The following ZIM2 variants were observed in gnomAD, a reference collection of about 807,000 sequenced individuals.
ZIM2 encodes zinc finger protein 656.
ZIM2 carries 14 observed loss-of-function variants against 38.6 expected under a neutral mutation model. The ratio of observed to expected loss-of-function variants is 0.36; its 90% confidence interval spans 0.24 to 0.57. ZIM2 has a LOEUF of 0.57. Among genes scored for constraint, ZIM2 ranks in the 20% least tolerant of loss-of-function variants. The pLI, the probability that ZIM2 is intolerant of heterozygous loss-of-function variation, is 0.81. For missense variants in ZIM2, 680 were observed against 695.1 expected (o/e 0.98, Z 0.24); for synonymous variants, 247 against 245.8 (o/e 1.00, Z -0.04).
At chr19:56,815,545 C>A in intron 9 of ZIM2, 1 of 1,613,942 alleles carries the variant, frequency 6.2e-7, no homozygotes, top group Non-Finnish European at 8.5e-7. Flanking sequence ...ATAGAGCATC[C>A]CTCGAGGGCG....
At chr19:56,832,598 A>G (rs2061680333) in intron 2 of ZIM2, among the ~76,000 whole-genome samples, 2 of 152,202 alleles carry the variant, frequency 1.3e-5, no homozygotes, top group African/African-American at 4.8e-5. Context: ...AGTAGCCAAC[A>G]GCAGTTAGGG....
Position 56,814,696 on chromosome 19 carries a change from T to A in ZIM2, c.490+3050A>T. The A allele has an allele frequency of 6.2e-7, 1 of 1,613,992 alleles. No individual in the cohort carries two copies. The highest frequency in any genetic ancestry group is 1.6e-4 in the Middle Eastern group (1 of 6,062). ...CTGGCTCTGCTCCAGTAAATCATCT[T>A]CCCTATGAAGTCTCATATGCTCATT... On this transcript the variant is annotated intron_variant, in intron 9 of 12. Coordinates refer to ENST00000629319, the MANE Select transcript of ZIM2 (RefSeq NM_001387356.1). This position sits in a 1 kb window ranked among gnomAD's most constrained non-coding sequence, Gnocchi z 5.8.
chr19:56,833,388 CTCT>C (rs1273422621), intron 2 of ZIM2: 1 of 348,376 alleles, frequency 2.9e-6, no homozygotes, highest in Admixed American at 4.0e-5. Flanking sequence ...GGTCTCGTCT[CTCT>C]TCTTGTTTGC....
At chr19:56,818,578 A>G in intron 8 of ZIM2, 22 bp downstream of exon 8, 1 of 1,613,634 alleles carries the variant, frequency 6.2e-7, no homozygotes, top group Non-Finnish European at 8.5e-7. Context: ...ACTGGGAGTG[A>G]CTGAGAGAAG....
intron 11 of ZIM2, among the ~76,000 whole-genome samples, chr19:56,779,941 G>C (rs556055568): frequency 7.2e-5 from 11 of 152,242 alleles, no homozygotes; most frequent in African/African-American, 2.6e-4. Flanking sequence ...TTGAAGTGCT[G>C]CTCCTCCCCC....
chr19:56,791,768 A>G (rs531106859), intron 9 of ZIM2, among the ~76,000 whole-genome samples: 3 of 152,282 alleles, frequency 2.0e-5, no homozygotes, highest in East Asian at 3.9e-4. Context: ...TCAAAGCACT[A>G]TAAGGACCCA....
At chr19:56,805,500 T>C (rs2047715275) in intron 9 of ZIM2, among the ~76,000 whole-genome samples, 1 of 152,196 alleles carries the variant, frequency 6.6e-6, no homozygotes, top group Non-Finnish European at 1.5e-5. Context: ...CTCCCACTGA[T>C]TGTTTATTAG....
At chr19:56,821,595 G>T (rs553704094) in intron 7 of ZIM2, 56 bp downstream of exon 7, 1 of 1,595,286 alleles carries the variant, frequency 6.3e-7, no homozygotes, top group African/African-American at 1.3e-5. Flanking sequence ...AAAGAAAGGC[G>T]TCTCTGCCAT....
intron 8 of ZIM2, 105 bp from the exon 9 acceptor site, chr19:56,817,943 C>T: frequency 3.7e-6 from 3 of 809,198 alleles, no homozygotes; most frequent in Non-Finnish European, 6.1e-6. Context: ...ATGAGGTGGC[C>T]CACATCTGAT....
At chr19:56,810,488 T>C (rs745903670) in intron 9 of ZIM2, 65 of 985,114 alleles carry the variant, frequency 6.6e-5, no homozygotes, top group Non-Finnish European at 7.1e-5. Flanking sequence ...CAGATCAAGA[T>C]GTTAACAGTT....
In ZIM2 at chr19:56,814,635, G is replaced by A. The variant is rs755827439; in HGVS notation, c.490+3111C>T. Reference sequence around the variant, plus strand: ...CGGTCTGACTTCTCTGAAACTCAGTGAGGGCTAAGCCTGGAATGATAGCTT... The same window carrying A: ...CGGTCTGACTTCTCTGAAACTCAGTAAGGGCTAAGCCTGGAATGATAGCTT... On this transcript the variant is annotated intron_variant, in intron 9 of 12. Coordinates refer to ENST00000629319, the MANE Select transcript of ZIM2 (RefSeq NM_001387356.1). This position sits in a 1 kb window ranked among gnomAD's most constrained non-coding sequence, Gnocchi z 5.8. 2.5e-6 allele frequency: 4 copies of A among 1,614,160 alleles called. No homozygotes were observed. The highest frequency in any genetic ancestry group is 1.6e-4 in the Middle Eastern group (1 of 6,062).
chr19:56,792,859 G>T (rs1600759993), intron 9 of ZIM2, among the ~76,000 whole-genome samples: 1 of 152,160 alleles, frequency 6.6e-6, no homozygotes, highest in South Asian at 2.1e-4. Context: ...TCTCACATGA[G>T]ATTAGGCAGA....
rs866675972 is a variant in ZIM2, at chr19:56,814,215, A to G, written c.490+3531T>C. The stretch of plus-strand genomic sequence containing the variant: ...GCTCAGCAGCCTCCACTTCTGGCTC[A>G]GCAGCCTCCACTTCTGGCTCGGCAG... On this transcript the variant is annotated intron_variant, in intron 9 of 12. Transcript: ENST00000629319. This position sits in a 1 kb window ranked among gnomAD's most constrained non-coding sequence, Gnocchi z 5.8. The G allele has an allele frequency of 2.6e-4, 419 of 1,612,148 alleles. 1 individual carries two copies. Among genetic ancestry groups the G allele is most frequent in the Non-Finnish European group, 3.3e-4 (386 of 1,179,138 alleles).
intron 3 of ZIM2, chr19:56,824,845 G>A (rs926785693): frequency 1.6e-5 from 9 of 577,536 alleles, no homozygotes; most frequent in South Asian, 1.2e-4. Flanking sequence ...GGATATGGGA[G>A]TCCCCAGTAA....
intron 6 of ZIM2, among the ~76,000 whole-genome samples, chr19:56,821,999 C>T (rs2146309997): frequency 6.6e-6 from 1 of 152,216 alleles, no homozygotes; most frequent in South Asian, 2.1e-4. Context: ...GGAGGTGGTT[C>T]AGATTGTGCC....
At chr19:56,835,641 CT>C (rs1236520170) in intron 2 of ZIM2, among the ~76,000 whole-genome samples, 1 of 152,222 alleles carries the variant, frequency 6.6e-6, no homozygotes, top group East Asian at 1.9e-4. Flanking sequence ...ACTAAAAACT[CT>C]TTGAAAACAC....
chr19:56,838,140 GTCAC>G (rs1330390819), intron 1 of ZIM2, among the ~76,000 whole-genome samples: 1 of 152,174 alleles, frequency 6.6e-6, no homozygotes, highest in Non-Finnish European at 1.5e-5. Context: ...GACCCCGTCA[GTCAC>G]TCAGTCCTCT....
intron 2 of ZIM2, among the ~76,000 whole-genome samples, chr19:56,828,885 G>C (rs1456552317): frequency 6.6e-6 from 1 of 152,188 alleles, no homozygotes; most frequent in African/African-American, 2.4e-5. Context: ...ATTGATGCTA[G>C]TGAGGGTGTA....
At position 56,814,088 on chromosome 19, in the gene ZIM2, C is replaced by T. The variant is rs1568614297; in HGVS notation, c.490+3658G>A. The T allele has an allele frequency of 1.9e-6, 3 of 1,614,176 alleles. No individual in the cohort carries two copies. Among genetic ancestry groups the T allele is most frequent in the Non-Finnish European group, 2.5e-6 (3 of 1,180,032 alleles). On this transcript the variant is annotated intron_variant, in intron 9 of 12. Coordinates refer to ENST00000629319, the MANE Select transcript of ZIM2 (RefSeq NM_001387356.1). The surrounding 1 kb of genome is among the most constrained non-coding windows in gnomAD (Gnocchi z 5.8). ...TCTTCAATACCTGCACCATCTGGCT[C>T]ATCAGCATCCCCATTTGGCTGCTCG...
Sources: allele counts gnomAD v4.1 joint callset (sites outside exome capture counted in the v4.1 genomes callset), GRCh38; gene constraint gnomAD v4.1.1; non-coding constraint Gnocchi (gnomAD v3.1); transcripts MANE v1.5; gene names NCBI Gene and HGNC (gene_info 2026-07-23, HGNC 2026-07-21).